Variants in BACH2 observed in about 807,000 individuals in gnomAD.
BACH2 encodes the protein transcription regulator protein BACH2.
In BACH2, 5 loss-of-function variants were observed where a neutral mutation model predicts 61.8. The observed-to-expected ratio is 0.08, with a 90% CI of 0.04 to 0.17. BACH2 has a LOEUF of 0.17. Ranked by LOEUF, BACH2 falls within the 10% of genes least tolerant of loss-of-function variation. The pLI is 1.00. For synonymous variants in BACH2, 446 were observed against 440.1 expected, an observed-to-expected ratio of 1.01 and a Z score of -0.17; for missense variants, 824 against 1,091.1, an observed-to-expected ratio of 0.76 and a Z score of 3.45.
chr6:90,211,170 A>AAGAAGAAG (rs1241108255), intron 3 of BACH2, among the ~76,000 whole-genome samples: 3 of 151,132 alleles, frequency 2.0e-5, no homozygotes, highest in Non-Finnish European at 4.4e-5. Flanking sequence ...AAGTAAGTCT[A>AAGAAGAAG]AGAAGAAGAG....
chr6:90,090,126 G>A (rs961058841), intron 4 of BACH2, among the ~76,000 whole-genome samples: 5 of 152,098 alleles, frequency 3.3e-5, no homozygotes, highest in Non-Finnish European at 7.4e-5. Flanking sequence ...AATAAAATGT[G>A]AGTTATATGA....
At chr6:89,972,179 C>A (rs527723664) in intron 6 of BACH2, among the ~76,000 whole-genome samples, 4 of 152,182 alleles carry the variant, frequency 2.6e-5, no homozygotes, top group African/African-American at 4.8e-5. Flanking sequence ...AAGGTCCTTC[C>A]GTGTCCGCCG....
intron 4 of BACH2, among the ~76,000 whole-genome samples, chr6:90,130,073 G>A (rs1312751680): frequency 6.6e-6 from 1 of 152,144 alleles, no homozygotes; most frequent in Non-Finnish European, 1.5e-5. Context: ...GTTTCACCAT[G>A]TTGGTCAGGC....
intron 4 of BACH2, among the ~76,000 whole-genome samples, chr6:90,150,482 G>C (rs1784777599): frequency 6.6e-6 from 1 of 152,054 alleles, no homozygotes; most frequent in Non-Finnish European, 1.5e-5. Flanking sequence ...AATTACTACG[G>C]CCACTTCATT....
At chr6:90,284,741 A>T (rs1771966272) in intron 1 of BACH2, among the ~76,000 whole-genome samples, 2 of 152,234 alleles carry the variant, frequency 1.3e-5, no homozygotes, top group Admixed American at 1.3e-4. Context: ...GATTAAAAAA[A>T]AAAAGCTCAA....
intron 2 of BACH2, among the ~76,000 whole-genome samples, chr6:90,266,783 G>T (rs1771347262): frequency 6.6e-6 from 1 of 152,094 alleles, no homozygotes; most frequent in South Asian, 2.1e-4. Context: ...TGCTTAATGG[G>T]GACGGAGTTT....
chr6:89,927,520 G>C lies in BACH2; in HGVS notation c.*4888C>G, dbSNP rs1772418320. On this transcript the variant is annotated 3_prime_UTR_variant, in exon 9 of 9. Transcript: ENST00000257749. Reference sequence around the variant, plus strand: ...GTGCACACTTCTGCTTCTAAGAAGGGCCAGTGTTTTATCTGAGGTCAATAA... The same window carrying C: ...GTGCACACTTCTGCTTCTAAGAAGGCCCAGTGTTTTATCTGAGGTCAATAA... 6.5e-6 allele frequency: 1 copy of C among 152,784 alleles called. No individual in the cohort carries two copies. Among genetic ancestry groups the C allele is most frequent in the African/African-American group, 2.4e-5 (1 of 41,452 alleles). 9.5% of individuals were successfully genotyped at this position (152,784 alleles called of 1,614,324 possible).
At chr6:90,158,765 T>TG (rs35179212) in intron 4 of BACH2, among the ~76,000 whole-genome samples, 78,013 of 136,580 alleles carry the variant, frequency 0.57, 21,959 homozygotes, top group African/African-American at 0.7. Flanking sequence ...CTTCTTTTGG[T>TG]GGGGGGGGGG....
chr6:90,244,230 G>C (rs567331461), intron 3 of BACH2, among the ~76,000 whole-genome samples: 2 of 152,176 alleles, frequency 1.3e-5, no homozygotes, highest in Middle Eastern at 3.4e-3. Context: ...TTATTTATAG[G>C]ACATTTAAAA....
At chr6:90,029,372 G>A (rs1015179691) in intron 5 of BACH2, among the ~76,000 whole-genome samples, 4 of 152,114 alleles carry the variant, frequency 2.6e-5, no homozygotes, top group African/African-American at 9.7e-5. Flanking sequence ...AGATGTAAAT[G>A]TGATGGCTCA....
intron 4 of BACH2, among the ~76,000 whole-genome samples, chr6:90,145,611 T>C (rs1236921113): frequency 2.0e-5 from 3 of 152,172 alleles, no homozygotes; most frequent in African/African-American, 7.2e-5. Flanking sequence ...CCCTCGAGGG[T>C]CTCTTTCTGC....
At chr6:90,256,971 A>AAT (rs1193945155) in intron 2 of BACH2, among the ~76,000 whole-genome samples, 1 of 152,218 alleles carries the variant, frequency 6.6e-6, no homozygotes, top group Non-Finnish European at 1.5e-5. Context: ...AAGATCATAT[A>AAT]ATATGTCTTT....
intron 5 of BACH2, among the ~76,000 whole-genome samples, chr6:90,024,278 A>C (rs934314064): frequency 6.6e-6 from 1 of 152,220 alleles, no homozygotes; most frequent in Non-Finnish European, 1.5e-5. Context: ...TCAAATGAAA[A>C]AAAACACACC....
chr6:89,988,504 C>A (rs943774129), intron 6 of BACH2, among the ~76,000 whole-genome samples: 1 of 152,142 alleles, frequency 6.6e-6, no homozygotes, highest in African/African-American at 2.4e-5. Flanking sequence ...GAGAAAATAG[C>A]TCAAAGCCTT....
intron 2 of BACH2, among the ~76,000 whole-genome samples, chr6:90,260,975 C>T (rs1413871124): frequency 1.3e-5 from 2 of 152,186 alleles, no homozygotes; most frequent in African/African-American, 4.8e-5. Context: ...CCCTATTGTG[C>T]TTGGTCATGA....
rs563890313 is a variant in BACH2, at chr6:90,237,506, A to T, written c.-275+15007T>A. 3.3e-5 allele frequency among the ~76,000 whole-genome samples: 5 copies of T among 152,324 alleles called. No homozygotes were observed. The East Asian group carries it at 5.8e-4, about 18-fold the overall frequency. ...ACCAGAGAATTCCATGAACCCTGCCATAATGTTAATACTCACGGTGAATGC... is the reference window on the plus strand; with the variant it reads ...ACCAGAGAATTCCATGAACCCTGCCTTAATGTTAATACTCACGGTGAATGC... On this transcript the variant is annotated intron_variant, in intron 3 of 8. Coordinates refer to ENST00000257749, the MANE Select transcript of BACH2 (RefSeq NM_021813.4).
intron 6 of BACH2, among the ~76,000 whole-genome samples, chr6:89,957,881 A>G (rs1217981032): frequency 6.6e-6 from 1 of 152,182 alleles, no homozygotes; most frequent in East Asian, 1.9e-4. Flanking sequence ...TTTGTGTTCT[A>G]TTCCTAAGGT....
At chr6:90,199,499 C>G (rs566419515) in intron 4 of BACH2, among the ~76,000 whole-genome samples, 1 of 152,308 alleles carries the variant, frequency 6.6e-6, no homozygotes, top group South Asian at 2.1e-4. Flanking sequence ...TATCTTATCT[C>G]TCTTTCATGC....
At chr6:90,042,623 G>A (rs1243636177) in intron 5 of BACH2, among the ~76,000 whole-genome samples, 1 of 152,086 alleles carries the variant, frequency 6.6e-6, no homozygotes, top group Non-Finnish European at 1.5e-5. Context: ...CCACACATGA[G>A]CACATAAAAA....
Sources: allele counts gnomAD v4.1 joint callset (sites outside exome capture counted in the v4.1 genomes callset), GRCh38; gene constraint gnomAD v4.1.1; transcripts MANE v1.5; gene names NCBI Gene and HGNC (gene_info 2026-07-23, HGNC 2026-07-21).